KIFC3: variants seen among roughly 807,000 people sequenced by gnomAD.
KIFC3 encodes the protein kinesin family member C3, also known as kinesin-like protein KIFC3.
Under a neutral mutation model 101.8 loss-of-function variants are expected in KIFC3, and 60 were observed. That is an observed-to-expected ratio of 0.59 (90% CI 0.48 to 0.73). The LOEUF (loss-of-function observed/expected upper bound fraction) is 0.73. Ranked by LOEUF, KIFC3 falls within the 30% of genes least tolerant of loss-of-function variation. KIFC3 has a pLI of 0.00. For missense variants in KIFC3, 966 were observed against 1,137.1 expected, an observed-to-expected ratio of 0.85 and a Z score of 2.16; for synonymous variants, 476 against 482.7, an observed-to-expected ratio of 0.99 and a Z score of 0.18.
intron 1 of KIFC3, among the ~76,000 whole-genome samples, chr16:57,833,590 C>T (rs2149299469): frequency 6.6e-6 from 1 of 152,260 alleles, no homozygotes; most frequent in South Asian, 2.1e-4. Flanking sequence ...CCCACAGACT[C>T]CCAGGACCCA....
chr16:57,771,213 C>G lies in KIFC3; in HGVS notation c.750G>C (p.Gln250His), dbSNP rs782697051. 1.2e-6 allele frequency: 2 copies of G among 1,612,556 alleles called. No individual in the cohort carries two copies. Among genetic ancestry groups the G allele is most frequent in the East Asian group, 4.5e-5 (2 of 44,894 alleles). ...CAGGGCTCACCTTGACAGGTGGGGACTGGGCCCGCAGGCTGGCAATGGTCT... is the reference window on the plus strand; with the variant it reads ...CAGGGCTCACCTTGACAGGTGGGGAGTGGGCCCGCAGGCTGGCAATGGTCT... ...SHETIASLRA[Q>H]SPPVKYVIKT... is the part of the protein sequence containing the mutation. The change falls in exon 6 of 20, where the codon CAG (glutamine) becomes CAC (histidine). Residue 250 changes from glutamine (Q) to histidine (H), a missense_variant. Physicochemically the swap from Gln to His is conservative, Grantham distance 24. Coordinates refer to ENST00000445690, the MANE Select transcript of KIFC3 (RefSeq NM_001130100.2).
chr16:57,802,330 C>A lies in KIFC3; in HGVS notation c.-40+40G>T, dbSNP rs1183023950. The A allele has an allele frequency of 9.5e-6, 9 of 946,398 alleles. No individual in the cohort carries two copies. In the South Asian group the frequency reaches 2.4e-4, roughly 26 times the overall value. 58.6% of individuals were successfully genotyped at this position (946,398 alleles called of 1,614,324 possible). A position where few individuals can be genotyped will look rare whatever the true frequency, so the allele number is the denominator to read the frequency against. ...AAACGGCGGGCCGGGCAGAGCCCAG[C>A]GCCCCGCTCGCACCCAGCCCGCCCG... On this transcript the variant is annotated intron_variant, in intron 1 of 19. Coordinates refer to ENST00000445690, the MANE Select transcript of KIFC3 (RefSeq NM_001130100.2). This position sits in a 1 kb window ranked among gnomAD's most constrained non-coding sequence, Gnocchi z 5.0.
intron 1 of KIFC3, among the ~76,000 whole-genome samples, chr16:57,858,449 A>T (rs1184010699): frequency 6.6e-6 from 1 of 152,148 alleles, no homozygotes; most frequent in Non-Finnish European, 1.5e-5. Context: ...AATAGCAGAA[A>T]GATATCCAAT....
In KIFC3 at chr16:57,760,941, C is replaced by T. The variant is rs1555596301; in HGVS notation, c.2017G>A (p.Val673Met). 4 of 1,607,078 alleles carry T rather than the reference C, an allele frequency of 2.5e-6. No individual in the cohort carries two copies. The highest frequency in any genetic ancestry group is 2.7e-5 in the African/African-American group (2 of 74,850). The change falls in exon 16 of 20, where the codon GTG (valine) becomes ATG (methionine). Residue 673 changes from valine to methionine, a missense_variant. Val to Met is a conservative substitution (Grantham distance 21). This residue lies in a region of KIFC3 where 689 missense variants were observed against 884.6 expected (regional missense o/e 0.78). Transcript: ENST00000445690. ...ACGCGCTCCGAGCCAGCCAAGTCCA[C>T]CAGGTTCAGCTTCCCTGCAGGGAAG... is the stretch of plus-strand genomic sequence containing the variant. ...GLRTTGKLNL[V>M]DLAGSERVGK...
upstream of KIFC3, chr16:57,807,607 T>C (rs2054965513): frequency 6.6e-6 from 1 of 152,234 alleles, no homozygotes; most frequent in African/African-American, 2.4e-5. Context: ...TTCTAGAAGC[T>C]GTATTAACAG....
intron 3 of KIFC3, among the ~76,000 whole-genome samples, chr16:57,784,268 A>G (rs2053081239): frequency 6.6e-6 from 1 of 152,172 alleles, no homozygotes; most frequent in South Asian, 2.1e-4. Flanking sequence ...GGGCTAGCCT[A>G]GAGGAGTCCC....
At chr16:57,814,743 A>C (rs1555628416) in intron 1 of KIFC3, among the ~76,000 whole-genome samples, 2 of 152,064 alleles carry the variant, frequency 1.3e-5, no homozygotes, top group African/African-American at 4.8e-5. Flanking sequence ...CTCGTGTCTC[A>C]GCGTCCCAAG....
At chr16:57,763,752 C>T (rs1257207575) in intron 12 of KIFC3, among the ~76,000 whole-genome samples, 2 of 152,158 alleles carry the variant, frequency 1.3e-5, no homozygotes, top group Non-Finnish European at 2.9e-5. Context: ...GACTGAGACC[C>T]GCCACTCATC....
At chr16:57,767,331 G>A (rs2050609061) in intron 9 of KIFC3, among the ~76,000 whole-genome samples, 1 of 152,204 alleles carries the variant, frequency 6.6e-6, no homozygotes, top group East Asian at 1.9e-4. Context: ...GGGGACCTGA[G>A]ACCACTGGCT....
intron 3 of KIFC3, among the ~76,000 whole-genome samples, chr16:57,781,225 G>A (rs34146657): frequency 0.073 from 11,052 of 152,256 alleles, 452 homozygotes; most frequent in South Asian, 0.11. Flanking sequence ...TTAGGTGGGA[G>A]GATGGCTTGA....
intron 3 of KIFC3, among the ~76,000 whole-genome samples, chr16:57,792,267 T>C (rs1367291957): frequency 6.6e-6 from 1 of 152,238 alleles, no homozygotes; most frequent in African/African-American, 2.4e-5. Context: ...GTCAGTCCTC[T>C]GCCACTGCCT....
At chr16:57,818,420 A>T (rs150200686) in intron 1 of KIFC3, among the ~76,000 whole-genome samples, 1 of 152,216 alleles carries the variant, frequency 6.6e-6, no homozygotes, top group South Asian at 2.1e-4. Flanking sequence ...GCTGGAGTAC[A>T]GTGGCACAAT....
intron 1 of KIFC3, among the ~76,000 whole-genome samples, chr16:57,835,316 ACATG>A (rs1463885168): frequency 1.3e-5 from 2 of 152,240 alleles, no homozygotes; most frequent in Non-Finnish European, 2.9e-5. Flanking sequence ...AAGAAAATGA[ACATG>A]TGTCTCTTGT....
intron 1 of KIFC3, among the ~76,000 whole-genome samples, chr16:57,837,282 A>T (rs138678063): frequency 2.0e-5 from 3 of 152,176 alleles, no homozygotes; most frequent in African/African-American, 7.2e-5. Context: ...AGTCTGGGCA[A>T]CATGGCGAAA....
intron 1 of KIFC3, among the ~76,000 whole-genome samples, chr16:57,846,878 T>C (rs1336105701): frequency 6.6e-6 from 1 of 152,162 alleles, no homozygotes; most frequent in Non-Finnish European, 1.5e-5. Context: ...TCCTTTGTGA[T>C]TCTGTGGCAT....
chr16:57,820,582 A>G (rs1036578623), intron 1 of KIFC3, among the ~76,000 whole-genome samples: 3 of 152,186 alleles, frequency 2.0e-5, no homozygotes, highest in African/African-American at 7.2e-5. Flanking sequence ...CCCAGCCCAG[A>G]GTGATCTTAG....
intron 3 of KIFC3, among the ~76,000 whole-genome samples, chr16:57,788,072 G>A (rs1160116883): frequency 1.3e-5 from 2 of 152,220 alleles, no homozygotes; most frequent in African/African-American, 2.4e-5. Flanking sequence ...AGCCAGCCCT[G>A]GGCACCATGG....
At chr16:57,812,175 T>C (rs1160451980) in intron 1 of KIFC3, among the ~76,000 whole-genome samples, 2 of 151,148 alleles carry the variant, frequency 1.3e-5, no homozygotes, top group Non-Finnish European at 2.9e-5. Context: ...ACCGAGTAGC[T>C]GGGACTACAG....
intron 1 of KIFC3, among the ~76,000 whole-genome samples, chr16:57,857,233 C>T (rs1199664937): frequency 3.9e-5 from 6 of 152,006 alleles, no homozygotes; most frequent in Admixed American, 2.6e-4. Flanking sequence ...AAAGAGTAAA[C>T]GTGAAGGTCA....
Sources: allele counts gnomAD v4.1 joint callset (sites outside exome capture counted in the v4.1 genomes callset), GRCh38; gene constraint gnomAD v4.1.1; regional missense constraint gnomAD v4.1.1; non-coding constraint Gnocchi (gnomAD v3.1); transcripts MANE v1.5; gene names NCBI Gene and HGNC (gene_info 2026-07-23, HGNC 2026-07-21).